The following TRAIP variants were observed in gnomAD, a reference collection of about 807,000 sequenced individuals.
TRAIP encodes E3 ubiquitin-protein ligase TRAIP.
In TRAIP, 37 loss-of-function variants were observed where a neutral mutation model predicts 65.0. The observed-to-expected ratio is 0.57, with a 90% confidence interval of 0.44 to 0.75. TRAIP has a LOEUF of 0.75. Ranked by LOEUF, TRAIP falls within the 30% of genes least tolerant of loss-of-function variation. TRAIP has a pLI of 0.00. For missense variants in TRAIP, 481 were observed against 579.4 expected, an observed-to-expected ratio of 0.83 and a Z score of 1.74; for synonymous variants, 187 against 219.1, an observed-to-expected ratio of 0.85 and a Z score of 1.29.
At chr3:49,846,078 G>C (rs928288011) in intron 3 of TRAIP, among the ~76,000 whole-genome samples, 3 of 152,070 alleles carry the variant, frequency 2.0e-5, no homozygotes, top group African/African-American at 7.2e-5. Flanking sequence ...GATTAGGAGG[G>C]GAAGCAGTTA....
chr3:49,840,000 G>T, intron 9 of TRAIP, 140 bp from the exon 10 acceptor site: 2 of 870,618 alleles, frequency 2.3e-6, no homozygotes, highest in Non-Finnish European at 3.7e-6. Context: ...ATTAGGCTCA[G>T]GAGGCCAAGC....
At chr3:49,844,656 G>A (rs888659747) in intron 3 of TRAIP, 76 bp from the exon 4 acceptor site, 2 of 1,564,650 alleles carry the variant, frequency 1.3e-6, no homozygotes, top group Admixed American at 1.7e-5. Flanking sequence ...TAAGGCTGTG[G>A]GGAGCCCCAG....
chr3:49,841,227 G>A (rs2081836878), intron 7 of TRAIP, among the ~76,000 whole-genome samples, 155 bp from the exon 8 acceptor site: 1 of 152,338 alleles, frequency 6.6e-6, no homozygotes, highest in African/African-American at 2.4e-5. Context: ...GTGGCACTGT[G>A]GAGGGTCCTG....
In TRAIP at chr3:49,843,438, G is replaced by A. The variant is rs114466109; in HGVS notation, c.408+363C>T. On this transcript the variant is annotated intron_variant, in intron 5 of 14. Coordinates refer to ENST00000331456, the MANE Select transcript of TRAIP (RefSeq NM_005879.3). ...AGGAGAGCAGCCCAGCCAAGGACTA[G>A]AGTGCTAATGGAAGGTTCTTCAGGC... is the stretch of plus-strand genomic sequence containing the variant. 642 of 183,466 alleles carry A rather than the reference G, an allele frequency of 3.5e-3. 5 individuals are homozygous for A. The highest frequency in any genetic ancestry group is 0.014 in the African/African-American group (597 of 43,408). The allele number at this position is 183,466 out of a possible 1,614,324, so 11.4% of individuals were successfully genotyped here.
intron 1 of TRAIP, among the ~76,000 whole-genome samples, chr3:49,849,004 G>A (rs1392035502): frequency 6.6e-6 from 1 of 151,808 alleles, no homozygotes; most frequent in African/African-American, 2.4e-5. Flanking sequence ...GCGCGACCAC[G>A]CCCAGCTAAT....
chr3:49,829,193 A>C lies in TRAIP; in HGVS notation c.1320T>G (p.Val440=). 6.2e-7 allele frequency: 1 copy of C among 1,614,238 alleles called. No individual in the cohort carries two copies. Among genetic ancestry groups the C allele is most frequent in the Non-Finnish European group, 8.5e-7 (1 of 1,180,056 alleles). ...TCTGCTTAACCTTGGTCTTGGGCTT[A>C]ACAGGCAATGGGCGGATCATGACTG... ...TDTVMIRPLP[V]KPKTKVKQRV... The change falls in exon 15 of 15, where the codon GTT becomes GTG. Residue 440 remains valine, a synonymous_variant. Coordinates refer to ENST00000331456, the MANE Select transcript of TRAIP (RefSeq NM_005879.3).
chr3:49,833,178 T>G (rs2081750682), intron 10 of TRAIP, among the ~76,000 whole-genome samples: 1 of 152,108 alleles, frequency 6.6e-6, no homozygotes. Context: ...CTGCCACCAT[T>G]TACCAACCCC....
intron 1 of TRAIP, among the ~76,000 whole-genome samples, chr3:49,849,127 G>A (rs2081910445): frequency 6.6e-6 from 1 of 151,248 alleles, no homozygotes; most frequent in African/African-American, 2.4e-5. Flanking sequence ...TTACAGGTAT[G>A]AGCCACCATA....
intron 8 of TRAIP, chr3:49,840,588 T>C: frequency 1.7e-6 from 1 of 577,716 alleles, no homozygotes; most frequent in Non-Finnish European, 3.1e-6. Context: ...AGCCTGTGGA[T>C]GCACCATGCC....
intron 1 of TRAIP, among the ~76,000 whole-genome samples, chr3:49,850,253 C>T (rs1251833139): frequency 6.6e-6 from 1 of 152,130 alleles, no homozygotes; most frequent in Non-Finnish European, 1.5e-5. Context: ...GTAATCCCAG[C>T]ACTTTGGGAG....
intron 1 of TRAIP, among the ~76,000 whole-genome samples, chr3:49,852,398 T>C (rs1019815859): frequency 6.7e-6 from 1 of 148,524 alleles, no homozygotes; most frequent in Non-Finnish European, 1.5e-5. Context: ...ATAAAAAAGT[T>C]AATGGAATAG....
At chr3:49,829,995 T>G in intron 12 of TRAIP, 25 bp downstream of exon 12, 1 of 1,614,096 alleles carries the variant, frequency 6.2e-7, no homozygotes, top group Non-Finnish European at 8.5e-7. Context: ...AAGGTTAGAC[T>G]GTGCTTCTTC....
In TRAIP at chr3:49,855,477, A is replaced by G. The variant is rs144446780; in HGVS notation, c.98+879T>C. ...AATAAAATAAAATAAAAATAAATAA[A>G]TAAAGTAAAAGGATAGAAGAAAATA... On this transcript the variant is annotated intron_variant, in intron 1 of 14. Coordinates refer to ENST00000331456, the MANE Select transcript of TRAIP (RefSeq NM_005879.3). Among the ~76,000 whole-genome samples, 1,421 of 152,322 alleles carry G rather than the reference A, an allele frequency of 9.3e-3. 19 individuals are homozygous for G. Among genetic ancestry groups the G allele is most frequent in the African/African-American group, 0.032 (1,335 of 41,574 alleles).
chr3:49,842,619 C>G, intron 5 of TRAIP, 72 bp from the exon 6 acceptor site: 1 of 1,415,590 alleles, frequency 7.1e-7, no homozygotes, highest in Non-Finnish European at 9.9e-7. Flanking sequence ...ACTAGGAAAA[C>G]TCTGCTCCAG....
chr3:49,847,439 G>A, intron 3 of TRAIP, 86 bp downstream of exon 3: 1 of 840,000 alleles, frequency 1.2e-6, no homozygotes, highest in Non-Finnish European at 1.9e-6. Flanking sequence ...GAAGAGAAGA[G>A]AAGAGAAAAA....
intron 10 of TRAIP, among the ~76,000 whole-genome samples, chr3:49,837,901 G>C (rs1193392789): frequency 6.9e-6 from 1 of 144,836 alleles, no homozygotes; most frequent in Non-Finnish European, 1.5e-5. Flanking sequence ...TTTTCCAAGA[G>C]AGACGGGGTC....
intron 7 of TRAIP, among the ~76,000 whole-genome samples, chr3:49,841,425 C>T (rs978598628): frequency 6.6e-6 from 1 of 152,196 alleles, no homozygotes; most frequent in African/African-American, 2.4e-5. Flanking sequence ...ACCTTACACC[C>T]ACCAGAGTGA....
Position 49,828,803 on chromosome 3 carries a change from C to A in TRAIP, c.*300G>T. On this transcript the variant is annotated 3_prime_UTR_variant, in exon 15 of 15. Transcript: ENST00000331456. ...ACAGTCAACAAGTGACCGTGGTCTCCAGGCCCAGAAAGAGTCTGACCACAT... is the reference window on the plus strand; with the variant it reads ...ACAGTCAACAAGTGACCGTGGTCTCAAGGCCCAGAAAGAGTCTGACCACAT... 1 of 343,876 alleles carries A rather than the reference C, an allele frequency of 2.9e-6. No individual in the cohort carries two copies. The allele number at this position is 343,876 out of a possible 1,614,324, so 21.3% of individuals were successfully genotyped here.
intron 4 of TRAIP, 136 bp from the exon 5 acceptor site, chr3:49,844,064 C>T (rs2081862969): frequency 7.2e-6 from 9 of 1,243,044 alleles, no homozygotes; most frequent in East Asian, 2.4e-5. Flanking sequence ...CTGGGTGGCC[C>T]GCTTCTTTCT....
Sources: gnomAD v4.1 joint callset for allele counts (sites outside exome capture counted in the v4.1 genomes callset) on GRCh38, gnomAD v4.1.1 for gene constraint, MANE v1.5 for transcripts, NCBI Gene and HGNC (gene_info 2026-07-23, HGNC 2026-07-21) for gene names.